The following ACOT7 variants were observed in gnomAD, a reference collection of about 807,000 sequenced individuals.
ACOT7 encodes the protein cytosolic acyl coenzyme A thioester hydrolase.
In ACOT7, 12 loss-of-function variants were observed where a neutral mutation model predicts 40.2. The observed-to-expected ratio is 0.30, with a 90% CI of 0.19 to 0.48. The LOEUF is 0.48. ACOT7 is among the 20% of genes least tolerant of loss of function. ACOT7 has a pLI of 0.99. For missense variants in ACOT7, 395 were observed against 530.8 expected, an observed-to-expected ratio of 0.74 and a Z score of 2.51; for synonymous variants, 228 against 219.5, an observed-to-expected ratio of 1.04 and a Z score of -0.34.
rs146498455 is a variant in ACOT7, at chr1:6,264,693, G to A, written c.1017C>T (p.Pro339=). Residue 339 remains proline, a splice_region_variant and synonymous_variant, in exon 9 of 9, where the codon CCC becomes CCT. Transcript: ENST00000361521. ...AGCGCTTCTTCTCGTCCTCGGTCTC[G>A]GGCTGTGGACCACACACAGAGACAG... ...GRSLPVPQLV[P]ETEDEKKRFE... The A allele has an allele frequency of 9.0e-5, 145 of 1,612,970 alleles. No homozygotes were observed. In the East Asian group the frequency reaches 2.7e-3, roughly 30 times the overall value.
intron 8 of ACOT7, among the ~76,000 whole-genome samples, chr1:6,273,491 C>T (rs1317786530): frequency 6.6e-6 from 1 of 152,188 alleles, no homozygotes; most frequent in Non-Finnish European, 1.5e-5. Flanking sequence ...GATTCTGAGC[C>T]TCATGAATAT....
At chr1:6,353,729 G>A (rs910367032) in intron 1 of ACOT7, among the ~76,000 whole-genome samples, 4 of 152,230 alleles carry the variant, frequency 2.6e-5, no homozygotes, top group Admixed American at 2.0e-4. Flanking sequence ...AGGCCAGCTC[G>A]GGCAACGGCA....
At position 6,294,813 on chromosome 1, in the gene ACOT7, C is replaced by A; in HGVS notation, c.829+51G>T. ...CAGAAAACAAACTGGTGCAGGGACCCAAGCAGCCGAGGGCCACTGCCTCCC... is the reference window on the plus strand; with the variant it reads ...CAGAAAACAAACTGGTGCAGGGACCAAAGCAGCCGAGGGCCACTGCCTCCC... On this transcript the variant is annotated intron_variant, in intron 7 of 8. Transcript: ENST00000361521. The surrounding 1 kb of genome is among the most constrained non-coding windows in gnomAD (Gnocchi z 4.6). 6.6e-7 allele frequency: 1 copy of A among 1,505,766 alleles called. No homozygotes were observed. The highest frequency in any genetic ancestry group is 1.1e-5 in the South Asian group (1 of 87,572). 93.3% of individuals were successfully genotyped at this position (1,505,766 alleles called of 1,614,324 possible). A position where few individuals can be genotyped will look rare whatever the true frequency, so the allele number is the denominator to read the frequency against.
chr1:6,265,281 C>T (rs1359939220), intron 8 of ACOT7, among the ~76,000 whole-genome samples: 4 of 151,966 alleles, frequency 2.6e-5, no homozygotes, highest in Admixed American at 1.3e-4. Flanking sequence ...CAGCTGCACA[C>T]GGTCACCGCC....
intron 1 of ACOT7, among the ~76,000 whole-genome samples, 161 bp downstream of exon 1, chr1:6,393,096 C>T (rs1473008335): frequency 6.6e-6 from 1 of 150,646 alleles, no homozygotes; most frequent in Non-Finnish European, 1.5e-5. Flanking sequence ...AGTCGCATCC[C>T]GGCCGGGCGG....
At position 6,275,447 on chromosome 1, in the gene ACOT7, G is replaced by C. The variant is rs1639160661; in HGVS notation, c.1014+5655C>G. 6.6e-6 allele frequency among the ~76,000 whole-genome samples: 1 copy of C among 152,144 alleles called. No homozygotes were observed. Among genetic ancestry groups the C allele is most frequent in the Non-Finnish European group, 1.5e-5 (1 of 68,034 alleles). On this transcript the variant is annotated intron_variant, in intron 8 of 8. Coordinates refer to ENST00000361521, the MANE Select transcript of ACOT7 (RefSeq NM_007274.4). This position sits in a 1 kb window ranked among gnomAD's most constrained non-coding sequence, Gnocchi z 5.6. ...GAAAGGCAAGGTAAAGATGGCCACA[G>C]CTAGGCCAGGCGCGGTAGCTCACGC...
At chr1:6,379,794 T>G (rs915867812) in intron 1 of ACOT7, among the ~76,000 whole-genome samples, 2 of 151,716 alleles carry the variant, frequency 1.3e-5, no homozygotes, top group Non-Finnish European at 2.9e-5. Flanking sequence ...AGGCCAGGTG[T>G]GGTGGCCTAT....
At chr1:6,354,666 C>T (rs1421751538) in intron 1 of ACOT7, among the ~76,000 whole-genome samples, 6 of 131,390 alleles carry the variant, frequency 4.6e-5, no homozygotes, top group Middle Eastern at 4.2e-3. Flanking sequence ...CCCCCGTGGC[C>T]GCTGCACTGG....
intron 6 of ACOT7, among the ~76,000 whole-genome samples, chr1:6,305,006 G>A (rs1321560318): frequency 1.1e-4 from 16 of 150,244 alleles, no homozygotes; most frequent in South Asian, 4.2e-4. Flanking sequence ...CGGACGGGGC[G>A]GCTGGCCGGG....
chr1:6,275,716 CAAAA>C lies in ACOT7; in HGVS notation c.1014+5382_1014+5385del, dbSNP rs34990815. Among the ~76,000 whole-genome samples the C allele has an allele frequency of 3.6e-5, 2 of 55,520 alleles. No individual in the cohort carries two copies. The highest frequency in any genetic ancestry group is 7.0e-5 in the Non-Finnish European group (2 of 28,380). 36.4% of individuals were successfully genotyped at this position (55,520 alleles called of 152,430 possible). A position where few individuals can be genotyped will look rare whatever the true frequency, so the allele number is the denominator to read the frequency against. On this transcript the variant is annotated intron_variant, in intron 8 of 8. Coordinates refer to ENST00000361521, the MANE Select transcript of ACOT7 (RefSeq NM_007274.4). This position sits in a 1 kb window ranked among gnomAD's most constrained non-coding sequence, Gnocchi z 5.6. ...TGGGCGACAGAGTGAGGCTCCGTCTCAAAAAAAAAAAAAAAAAAAAAAAAAGATG... is the reference window on the plus strand; with the variant it reads ...TGGGCGACAGAGTGAGGCTCCGTCTCAAAAAAAAAAAAAAAAAAAAAGATG...
intron 8 of ACOT7, among the ~76,000 whole-genome samples, chr1:6,279,418 G>A (rs562533366): frequency 6.6e-6 from 1 of 152,330 alleles, no homozygotes; most frequent in Admixed American, 6.5e-5. Flanking sequence ...GAGGGTGGCA[G>A]CCTAGGGTAC....
chr1:6,296,368 C>T (rs1243220728), intron 6 of ACOT7, among the ~76,000 whole-genome samples: 1 of 152,132 alleles, frequency 6.6e-6, no homozygotes, highest in Admixed American at 6.5e-5. Flanking sequence ...CATGCTGGTC[C>T]CCCACCCCCA....
chr1:6,316,535 C>A (rs1179217661), intron 6 of ACOT7, among the ~76,000 whole-genome samples: 1 of 152,196 alleles, frequency 6.6e-6, no homozygotes, highest in Admixed American at 6.5e-5. Context: ...CAGGGCCGGG[C>A]GCGGTGGCTC....
At position 6,352,848 on chromosome 1, in the gene ACOT7, G is replaced by A. The variant is rs1194407926; in HGVS notation, c.144-2982C>T. ...GTGATCCCATTTCTAATAAAGACAC[G>A]GGTACCGAAAGCACTTCATGTTCCT... On this transcript the variant is annotated intron_variant, in intron 1 of 8. Transcript: ENST00000361521. The surrounding 1 kb of genome is among the most constrained non-coding windows in gnomAD (Gnocchi z 4.5). Among the ~76,000 whole-genome samples the A allele has an allele frequency of 6.6e-6, 1 of 151,474 alleles. No homozygotes were observed. Among genetic ancestry groups the A allele is most frequent in the Non-Finnish European group, 1.5e-5 (1 of 67,938 alleles).
chr1:6,336,770 G>A (rs1641116584), intron 3 of ACOT7, among the ~76,000 whole-genome samples: 1 of 152,204 alleles, frequency 6.6e-6, no homozygotes, highest in Non-Finnish European at 1.5e-5. Context: ...GGGCCTTCGA[G>A]TTCAATTTCC....
chr1:6,381,117 A>G (rs142272529), intron 1 of ACOT7, among the ~76,000 whole-genome samples: 125 of 152,062 alleles, frequency 8.2e-4, no homozygotes, highest in Non-Finnish European at 1.6e-3. Flanking sequence ...TGTGTCAAAA[A>G]CAATAGAAGC....
In ACOT7 at chr1:6,351,966, G is replaced by A. The variant is rs780000290; in HGVS notation, c.144-2100C>T. ...CCACCTGGCAACAAAGTGAGGACTC[G>A]GCACTTGGCGCTGTGCCATCAGGAG... On this transcript the variant is annotated intron_variant, in intron 1 of 8. Coordinates refer to ENST00000361521, the MANE Select transcript of ACOT7 (RefSeq NM_007274.4). Among the ~76,000 whole-genome samples the A allele has an allele frequency of 6.6e-5, 10 of 152,296 alleles. 1 individual carries two copies. The highest frequency in any genetic ancestry group is 1.3e-4 in the Non-Finnish European group (9 of 68,026).
chr1:6,340,801 C>T (rs1421874512), intron 2 of ACOT7, among the ~76,000 whole-genome samples: 2 of 151,882 alleles, frequency 1.3e-5, no homozygotes, highest in African/African-American at 2.4e-5. Flanking sequence ...TTTGGGAGGC[C>T]GAGGTGGGCG....
rs1436116051 is a variant in ACOT7 at position 6,330,796 on chromosome 1, C to A, written c.510+2681G>T. Among the ~76,000 whole-genome samples the A allele has an allele frequency of 1.3e-5, 2 of 152,174 alleles. No homozygotes were observed. Among genetic ancestry groups the A allele is most frequent in the Non-Finnish European group, 2.9e-5 (2 of 68,032 alleles). On this transcript the variant is annotated intron_variant, in intron 4 of 8. Coordinates refer to ENST00000361521, the MANE Select transcript of ACOT7 (RefSeq NM_007274.4). This position sits in a 1 kb window ranked among gnomAD's most constrained non-coding sequence, Gnocchi z 4.6. ...GCATCGATCCTAAGCGACAAGGCAG[C>A]AAAAGTGACTGTGTTCAGGTCCAGG...
Sources: allele counts gnomAD v4.1 joint callset (sites outside exome capture counted in the v4.1 genomes callset), GRCh38; gene constraint gnomAD v4.1.1; non-coding constraint Gnocchi (gnomAD v3.1); transcripts MANE v1.5; gene names NCBI Gene and HGNC (gene_info 2026-07-23, HGNC 2026-07-21).